Variants in KCNQ3 observed in about 807,000 individuals in gnomAD.
The protein encoded by KCNQ3 is potassium voltage-gated channel subfamily Q member 3, also known as potassium voltage-gated channel subfamily KQT member 3.
Under a neutral mutation model 92.5 loss-of-function variants are expected in KCNQ3, and 30 were observed. The observed-to-expected ratio is 0.32, with a 90% confidence interval of 0.24 to 0.44. The LOEUF is 0.44. Among genes scored for constraint, KCNQ3 ranks in the 20% least tolerant of loss-of-function variants. The pLI, the probability that KCNQ3 is intolerant of heterozygous loss-of-function variation, is 1.00. For missense variants in KCNQ3, 913 were observed against 1,140.3 expected, an observed-to-expected ratio of 0.80 and a Z score of 2.87; for synonymous variants, 450 against 468.8, an observed-to-expected ratio of 0.96 and a Z score of 0.52.
chr8:132,226,725 T>C (rs980785858), intron 1 of KCNQ3, among the ~76,000 whole-genome samples: 1 of 152,076 alleles, frequency 6.6e-6, no homozygotes, highest in African/African-American at 2.4e-5. Flanking sequence ...GGAGCTGAAG[T>C]CTGACTGAGC....
chr8:132,188,136 T>C lies in KCNQ3; in HGVS notation c.387-1955A>G, dbSNP rs901035499. Among the ~76,000 whole-genome samples, 4 of 152,366 alleles carry C rather than the reference T, an allele frequency of 2.6e-5. No individual in the cohort carries two copies. The South Asian group carries it at 8.3e-4, about 32-fold the overall frequency. Reference sequence around the variant, plus strand: ...TAAAAGGAAGCTCTGGTGCTTTTTATGTGATTTTGAGCAGCTCATTGACTT... The same window carrying C: ...TAAAAGGAAGCTCTGGTGCTTTTTACGTGATTTTGAGCAGCTCATTGACTT... On this transcript the variant is annotated intron_variant, in intron 1 of 14. Coordinates refer to ENST00000388996, the MANE Select transcript of KCNQ3 (RefSeq NM_004519.4).
At chr8:132,175,635 AAGTGGTC>A in intron 4 of KCNQ3, 27 bp from the exon 5 acceptor site, 1 of 1,611,678 alleles carries the variant, frequency 6.2e-7, no homozygotes, top group Non-Finnish European at 8.5e-7. Flanking sequence ...TGGACATGAA[AAGTGGTC>A]ACTGGGGAGT....
chr8:132,161,195 C>T (rs1825973643), intron 9 of KCNQ3, among the ~76,000 whole-genome samples: 1 of 152,122 alleles, frequency 6.6e-6, no homozygotes, highest in South Asian at 2.1e-4. Flanking sequence ...AGTCATTTTT[C>T]TTATCCCCAA....
chr8:132,408,680 G>A (rs1820564367), intron 1 of KCNQ3, among the ~76,000 whole-genome samples: 2 of 152,206 alleles, frequency 1.3e-5, no homozygotes, highest in African/African-American at 4.8e-5. Context: ...TATCCTGGGT[G>A]GGCCTGACCA....
At chr8:132,280,450 G>A (rs1300525795) in intron 1 of KCNQ3, among the ~76,000 whole-genome samples, 1 of 152,130 alleles carries the variant, frequency 6.6e-6, no homozygotes, top group Non-Finnish European at 1.5e-5. Context: ...GAGATAGAGT[G>A]GGTGCAGAGA....
At chr8:132,396,395 G>A (rs1402242364) in intron 1 of KCNQ3, among the ~76,000 whole-genome samples, 2 of 146,740 alleles carry the variant, frequency 1.4e-5, no homozygotes, top group East Asian at 2.0e-4. Context: ...AACAAAACCC[G>A]ACCTCCTCAG....
rs531005217 is a variant in KCNQ3, at chr8:132,365,560, G to C, written c.386+114587C>G. 2.0e-5 allele frequency among the ~76,000 whole-genome samples: 3 copies of C among 152,300 alleles called. No individual in the cohort carries two copies. The South Asian group carries it at 6.2e-4, about 32-fold the overall frequency. On this transcript the variant is annotated intron_variant, in intron 1 of 14. Coordinates refer to ENST00000388996, the MANE Select transcript of KCNQ3 (RefSeq NM_004519.4). ...CATTTTGCAGCTGTGTGCAACCTTAGATAAATTAGTTCACCTCTATGTGCC... is the reference window on the plus strand; with the variant it reads ...CATTTTGCAGCTGTGTGCAACCTTACATAAATTAGTTCACCTCTATGTGCC...
intron 8 of KCNQ3, among the ~76,000 whole-genome samples, chr8:132,164,100 C>T (rs1340831632): frequency 1.3e-5 from 2 of 152,068 alleles, no homozygotes; most frequent in South Asian, 2.1e-4. Flanking sequence ...GTGCACCAGC[C>T]GTGCTTTACA....
chr8:132,169,445 G>T (rs1337649309), intron 8 of KCNQ3, among the ~76,000 whole-genome samples: 2 of 152,154 alleles, frequency 1.3e-5, no homozygotes. Context: ...ATAGAAAAAG[G>T]TTCTTATTTT....
At chr8:132,186,790 T>A (rs958302426) in intron 1 of KCNQ3, among the ~76,000 whole-genome samples, 1 of 152,194 alleles carries the variant, frequency 6.6e-6, no homozygotes, top group African/African-American at 2.4e-5. Flanking sequence ...CACTGAAGCA[T>A]GCAGAATGCT....
At chr8:132,218,810 G>A (rs867912565) in intron 1 of KCNQ3, among the ~76,000 whole-genome samples, 11 of 148,686 alleles carry the variant, frequency 7.4e-5, no homozygotes, top group Middle Eastern at 3.4e-3. Context: ...TTCCCTTACT[G>A]TGGAAGATAG....
intron 1 of KCNQ3, among the ~76,000 whole-genome samples, chr8:132,435,219 TTTTA>T (rs1270193072): frequency 6.6e-6 from 1 of 152,192 alleles, no homozygotes; most frequent in African/African-American, 2.4e-5. Context: ...CTTTGTTTTA[TTTTA>T]TTTGATTATT....
intron 1 of KCNQ3, among the ~76,000 whole-genome samples, chr8:132,283,091 TC>T (rs1219504948): frequency 0.023 from 3,002 of 131,294 alleles, 43 homozygotes; most frequent in African/African-American, 0.047. Context: ...TCTCTCTCTC[TC>T]GTGTGTGTGT....
chr8:132,294,246 C>T (rs1045311443), intron 1 of KCNQ3, among the ~76,000 whole-genome samples: 5 of 152,072 alleles, frequency 3.3e-5, no homozygotes, highest in East Asian at 1.9e-4. Context: ...CGTGATCCAC[C>T]GGCCTCGGCC....
At chr8:132,410,403 A>G (rs960689984) in intron 1 of KCNQ3, among the ~76,000 whole-genome samples, 5 of 152,204 alleles carry the variant, frequency 3.3e-5, no homozygotes, top group Non-Finnish European at 4.4e-5. Flanking sequence ...AAACCAGGAC[A>G]AAGAGGGAAA....
chr8:132,450,847 G>A (rs932419233), intron 1 of KCNQ3, among the ~76,000 whole-genome samples: 4 of 152,190 alleles, frequency 2.6e-5, no homozygotes, highest in Admixed American at 2.6e-4. Flanking sequence ...GACGACTGGG[G>A]CAAGGGAAGG....
intron 1 of KCNQ3, among the ~76,000 whole-genome samples, chr8:132,478,502 T>C (rs1225746036): frequency 6.6e-6 from 1 of 152,316 alleles, no homozygotes; most frequent in East Asian, 1.9e-4. Context: ...TAACTAAACA[T>C]ATTGCTAGAG....
chr8:132,245,513 C>G lies in KCNQ3; in HGVS notation c.387-59332G>C, dbSNP rs1283785269. On this transcript the variant is annotated intron_variant, in intron 1 of 14. Transcript: ENST00000388996. ...TATGCAAGTGTGATACAAATACATT[C>G]ATTGGTCAAAAAATTACAGATGAAG... Among the ~76,000 whole-genome samples the G allele has an allele frequency of 2.0e-5, 3 of 152,232 alleles. No individual in the cohort carries two copies. In the East Asian group the frequency reaches 5.8e-4, roughly 29 times the overall value.
rs549235231 is a variant in KCNQ3 at position 132,124,619 on chromosome 8, G to T, written c.*4643C>A. Reference sequence around the variant, plus strand: ...GGCATTAGTGAGGGGCTGCCTGCTGGCTTGTTTAGGGGCCAGTTGGCTCAG... The same window carrying T: ...GGCATTAGTGAGGGGCTGCCTGCTGTCTTGTTTAGGGGCCAGTTGGCTCAG... On this transcript the variant is annotated 3_prime_UTR_variant, in exon 15 of 15. Transcript: ENST00000388996. 6 of 152,340 alleles carry T rather than the reference G, an allele frequency of 3.9e-5. No homozygotes were observed. In the South Asian group the frequency reaches 1.2e-3, roughly 32 times the overall value. The allele number at this position is 152,340 out of a possible 1,614,324, so 9.4% of individuals were successfully genotyped here. A position where few individuals can be genotyped will look rare whatever the true frequency, so the allele number is the denominator to read the frequency against.
Sources: gnomAD v4.1 joint callset for allele counts (sites outside exome capture counted in the v4.1 genomes callset) on GRCh38, gnomAD v4.1.1 for gene constraint, MANE v1.5 for transcripts, NCBI Gene and HGNC (gene_info 2026-07-23, HGNC 2026-07-21) for gene names.